TAF4: variants seen among roughly 807,000 people sequenced by gnomAD.
The protein encoded by TAF4 is transcription initiation factor TFIID subunit 4.
TAF4 carries 9 observed loss-of-function variants against 90.3 expected under a neutral mutation model. That is an observed-to-expected ratio of 0.10 (90% CI 0.06 to 0.17). TAF4 has a LOEUF of 0.17. Among genes scored for constraint, TAF4 ranks in the 10% least tolerant of loss-of-function variants. The probability of loss-of-function intolerance (pLI) is 1.00; values close to 1 mark genes in which losing one functional copy is unlikely to be tolerated. For missense variants in TAF4, 1,351 were observed against 1,370.7 expected (o/e 0.99, Z 0.23); for synonymous variants, 818 against 638.9 (o/e 1.28, Z -4.23).
intron 1 of TAF4, among the ~76,000 whole-genome samples, chr20:62,040,075 C>G (rs765802782): frequency 6.6e-6 from 1 of 152,218 alleles, no homozygotes; most frequent in African/African-American, 2.4e-5. Flanking sequence ...GGAGTTCCTT[C>G]AGAAATTAAT....
At chr20:61,990,784 G>A (rs1326086667) in intron 14 of TAF4, among the ~76,000 whole-genome samples, 1 of 152,174 alleles carries the variant, frequency 6.6e-6, no homozygotes, top group African/African-American at 2.4e-5. Flanking sequence ...TGCTTGGGAG[G>A]TGCACAGAGC....
chr20:62,021,114 AC>A (rs1391929430), intron 1 of TAF4, among the ~76,000 whole-genome samples: 1 of 151,724 alleles, frequency 6.6e-6, no homozygotes. Flanking sequence ...CACCTTCGAA[AC>A]CCCCCGGGAA....
At chr20:62,026,508 G>A (rs770418786) in intron 1 of TAF4, among the ~76,000 whole-genome samples, 10 of 152,132 alleles carry the variant, frequency 6.6e-5, no homozygotes, top group East Asian at 3.9e-4. Flanking sequence ...CCAAAATGAC[G>A]CAGAAGGAAC....
chr20:62,041,793 G>A (rs1247609984), intron 1 of TAF4, among the ~76,000 whole-genome samples: 5 of 151,294 alleles, frequency 3.3e-5, no homozygotes, highest in Non-Finnish European at 7.4e-5. Context: ...TGAAACATCA[G>A]CCAGGCACAG....
chr20:61,998,072 C>G, intron 13 of TAF4, 64 bp downstream of exon 13: 1 of 1,514,218 alleles, frequency 6.6e-7, no homozygotes, highest in Non-Finnish European at 9.0e-7. Context: ...CTTAGCCCCC[C>G]TCCCGTGGGG....
Position 61,975,190 on chromosome 20 carries a change from C to T in TAF4, c.*978G>A, listed in dbSNP as rs1016060267. ...AAATAGGTACAAAGAAGGGGCTTTG[C>T]TCTGGACGTCTGTAAAGTCGGCCCA... On this transcript the variant is annotated 3_prime_UTR_variant, in exon 15 of 15. Transcript: ENST00000252996. The T allele has an allele frequency of 2.1e-4, 32 of 152,280 alleles. No individual in the cohort carries two copies. The highest frequency in any genetic ancestry group is 7.2e-4 in the African/African-American group (30 of 41,402). 9.4% of individuals were successfully genotyped at this position (152,280 alleles called of 1,614,324 possible).
intron 1 of TAF4, among the ~76,000 whole-genome samples, chr20:62,022,733 G>A (rs146584744): frequency 1.0e-3 from 157 of 152,322 alleles, no homozygotes; most frequent in African/African-American, 3.6e-3. Flanking sequence ...GGGTTTGGCA[G>A]GCATAAGGGA....
At chr20:62,012,673 T>A in intron 3 of TAF4, 142 bp downstream of exon 3, 1 of 1,217,734 alleles carries the variant, frequency 8.2e-7, no homozygotes, top group Non-Finnish European at 1.1e-6. Context: ...AGCACTTTCT[T>A]CACAGAGAAC....
intron 9 of TAF4, 21 bp from the exon 10 acceptor site, chr20:62,000,742 T>A (rs1337657323): frequency 6.2e-7 from 1 of 1,613,668 alleles, no homozygotes; most frequent in South Asian, 1.1e-5. Context: ...GAAGGGAAGA[T>A]CACTTTAACT....
chr20:62,030,097 G>A (rs1029431046), intron 1 of TAF4, among the ~76,000 whole-genome samples: 2 of 152,176 alleles, frequency 1.3e-5, no homozygotes, highest in South Asian at 2.1e-4. Flanking sequence ...GGCGAGCAGC[G>A]CAGCGGGCCA....
At chr20:61,982,125 T>C (rs1367755395) in intron 14 of TAF4, among the ~76,000 whole-genome samples, 46 of 46,820 alleles carry the variant, frequency 9.8e-4, no homozygotes, top group South Asian at 2.6e-3. Context: ...AGAGGAGACA[T>C]CAAACCCATA....
At chr20:62,043,626 C>A (rs1345783384) in intron 1 of TAF4, among the ~76,000 whole-genome samples, 1 of 152,116 alleles carries the variant, frequency 6.6e-6, no homozygotes, top group Non-Finnish European at 1.5e-5. Flanking sequence ...CACCATTTTT[C>A]ATCTTTTATC....
Position 62,012,899 on chromosome 20 carries a change from G to A in TAF4, c.1557C>T (p.Thr519=), listed in dbSNP as rs2055787849. The A allele has an allele frequency of 6.2e-7, 1 of 1,614,026 alleles. No homozygotes were observed. The highest frequency in any genetic ancestry group is 1.6e-4 in the Middle Eastern group (1 of 6,062). ...ACACTTGCTTAATTATGGTAGTTGG[G>A]GTCACCTGCCGTGCAATGATAGGTG... The part of the protein sequence containing the change: ...PGTPIIARQV[T]PTTIIKQVSQ... The change falls in exon 3 of 15, where the codon ACC becomes ACT. Residue 519 remains threonine, a synonymous_variant. Transcript: ENST00000252996.
Position 62,064,249 on chromosome 20 carries a change from G to A in TAF4, c.1360+202C>T, listed in dbSNP as rs367966543. 162 of 490,664 alleles carry A rather than the reference G, an allele frequency of 3.3e-4. 3 individuals carry two copies. The South Asian group carries it at 7.9e-3, about 24-fold the overall frequency. The allele number at this position is 490,664 out of a possible 1,614,324, so 30.4% of individuals were successfully genotyped here. A position where few individuals can be genotyped will look rare whatever the true frequency, so the allele number is the denominator to read the frequency against. On this transcript the variant is annotated intron_variant, in intron 1 of 14. Coordinates refer to ENST00000252996, the MANE Select transcript of TAF4 (RefSeq NM_003185.4). ...GTCAGGGACAGCGACAGGGACGCAGGCTATGCCGACTCCCTCTGGCTCACT... is the reference window on the plus strand; with the variant it reads ...GTCAGGGACAGCGACAGGGACGCAGACTATGCCGACTCCCTCTGGCTCACT...
chr20:62,026,114 G>A (rs1415521423), intron 1 of TAF4, among the ~76,000 whole-genome samples: 1 of 152,076 alleles, frequency 6.6e-6, no homozygotes, highest in African/African-American at 2.4e-5. Flanking sequence ...TCCTCCCAAC[G>A]TCCTTCCCGA....
At chr20:61,976,594 G>C (rs951127454) in intron 14 of TAF4, among the ~76,000 whole-genome samples, 1 of 152,240 alleles carries the variant, frequency 6.6e-6, no homozygotes, top group African/African-American at 2.4e-5. Flanking sequence ...GCTTGGACCT[G>C]GTCCTGGGGC....
intron 14 of TAF4, chr20:61,980,654 A>G (rs1281819447): frequency 6.6e-6 from 1 of 152,302 alleles, no homozygotes; most frequent in Non-Finnish European, 1.5e-5. Context: ...GAGGCCGAAG[A>G]CAACGTGGCT....
At chr20:62,063,749 T>C (rs2056103701) in intron 1 of TAF4, among the ~76,000 whole-genome samples, 1 of 152,172 alleles carries the variant, frequency 6.6e-6, no homozygotes, top group South Asian at 2.1e-4. Context: ...GAAGAGACAG[T>C]GACACACACG....
At chr20:62,043,300 CAG>C (rs1423172871) in intron 1 of TAF4, among the ~76,000 whole-genome samples, 3 of 152,164 alleles carry the variant, frequency 2.0e-5, no homozygotes, top group Non-Finnish European at 2.9e-5. Flanking sequence ...GCCTGGGTGA[CAG>C]AGCTTACAGA....
Sources: allele counts gnomAD v4.1 joint callset (sites outside exome capture counted in the v4.1 genomes callset), GRCh38; gene constraint gnomAD v4.1.1; transcripts MANE v1.5; gene names NCBI Gene and HGNC (gene_info 2026-07-23, HGNC 2026-07-21).